RAB7B: variants seen among roughly 807,000 people sequenced by gnomAD.
RAB7B encodes RAB7B, member RAS oncogene family.
At chr1:205,990,337 T>C (rs1386666537) in intron 4 of RAB7B, among the ~76,000 whole-genome samples, 4 of 152,174 alleles carry the variant, frequency 2.6e-5, no homozygotes, top group Non-Finnish European at 5.9e-5. Flanking sequence ...AAAGATGGTA[T>C]TGAGGAGAGT....
At chr1:206,001,512 C>A (rs1373113278) in intron 1 of RAB7B, among the ~76,000 whole-genome samples, 1 of 152,146 alleles carries the variant, frequency 6.6e-6, no homozygotes, top group Non-Finnish European at 1.5e-5. Context: ...TGTCACTAAG[C>A]CTCATTCCAC....
intron 5 of RAB7B, among the ~76,000 whole-genome samples, chr1:205,980,015 C>G (rs1189204152): frequency 6.6e-6 from 1 of 152,194 alleles, no homozygotes; most frequent in Non-Finnish European, 1.5e-5. Context: ...TCCAGCCTTG[C>G]CTCCTGCACC....
chr1:205,978,877 C>T lies in RAB7B; in HGVS notation c.574G>A (p.Asp192Asn), dbSNP rs1660434739. The change falls in exon 6 of 6, where the codon GAC becomes AAC. Residue 192 changes from aspartate (D) to asparagine (N), a missense_variant. Physicochemically the swap from Asp to Asn is conservative, Grantham distance 23 (BLOSUM62 1). Transcript: ENST00000617070. Reference protein sequence around the residue: ...HLTESIKLSPDQSRSRCC With the variant: ...HLTESIKLSPNQSRSRCC ...CAGCAGCATCTGCTCCTTGACTGGT[C>T]TGGCGAGAGCTTGATGGATTCTGTG... 1 of 398,708 alleles carries T rather than the reference C, an allele frequency of 2.5e-6. No homozygotes were observed. Among genetic ancestry groups the T allele is most frequent in the Non-Finnish European group, 4.4e-6 (1 of 226,164 alleles). 24.7% of individuals were successfully genotyped at this position (398,708 alleles called of 1,614,324 possible). A position where few individuals can be genotyped will look rare whatever the true frequency, so the allele number is the denominator to read the frequency against.
At chr1:205,983,978 T>C (rs958666481) in intron 5 of RAB7B, 6 of 152,258 alleles carry the variant, frequency 3.9e-5, no homozygotes, top group Admixed American at 3.9e-4. Flanking sequence ...GGACACTTCC[T>C]GGTGACTAAG....
chr1:206,001,174 G>T (rs1660884809), intron 1 of RAB7B, among the ~76,000 whole-genome samples: 1 of 152,136 alleles, frequency 6.6e-6, no homozygotes, highest in Non-Finnish European at 1.5e-5. Flanking sequence ...GGGGCGGTTT[G>T]TGGGGTGACG....
At chr1:205,996,298 G>C (rs1297889499) in intron 1 of RAB7B, among the ~76,000 whole-genome samples, 7 of 152,012 alleles carry the variant, frequency 4.6e-5, no homozygotes, top group African/African-American at 7.3e-5. Context: ...TTTGTCTTTG[G>C]ATGCACTAAG....
At chr1:205,987,818 T>C (rs943374859) in intron 4 of RAB7B, among the ~76,000 whole-genome samples, 2 of 152,192 alleles carry the variant, frequency 1.3e-5, no homozygotes, top group African/African-American at 4.8e-5. Flanking sequence ...TCTTTAAAAT[T>C]ATTCTGGCTA....
At position 205,999,979 on chromosome 1, in the gene RAB7B, G is replaced by T. The variant is rs991025329; in HGVS notation, c.-17+3274C>A. On this transcript the variant is annotated intron_variant, in intron 1 of 5. Coordinates refer to ENST00000617070, the MANE Select transcript of RAB7B (RefSeq NM_001164522.3). ...TGTAGAGACAGGATCATGCTTTGTA[G>T]CCCCAGTTGGTATCAAACTCCTGGC... 9.9e-5 allele frequency among the ~76,000 whole-genome samples: 15 copies of T among 152,164 alleles called. No homozygotes were observed. In the South Asian group the frequency reaches 2.7e-3, roughly 27 times the overall value.
At chr1:206,002,234 C>T (rs1177382332) in intron 1 of RAB7B, among the ~76,000 whole-genome samples, 2 of 152,228 alleles carry the variant, frequency 1.3e-5, no homozygotes, top group Admixed American at 1.3e-4. Flanking sequence ...CCTTACCCAC[C>T]TCAACCCTAG....
intron 1 of RAB7B, among the ~76,000 whole-genome samples, chr1:206,002,305 C>A (rs1022966751): frequency 6.6e-6 from 1 of 152,304 alleles, no homozygotes; most frequent in East Asian, 1.9e-4. Flanking sequence ...GGAGGCTTGG[C>A]GCTCTTGTTC....
intron 4 of RAB7B, 32 bp from the exon 5 acceptor site, chr1:205,985,697 T>C: frequency 1.1e-5 from 3 of 265,548 alleles, no homozygotes; most frequent in Non-Finnish European, 2.0e-5. Flanking sequence ...GCGTGGTGTC[T>C]GTATTATCAT....
chr1:205,995,544 C>T (rs1048462295), intron 1 of RAB7B, among the ~76,000 whole-genome samples: 1 of 151,958 alleles, frequency 6.6e-6, no homozygotes, highest in Non-Finnish European at 1.5e-5. Context: ...ATGTACACAA[C>T]GGATACTGTT....
intron 1 of RAB7B, among the ~76,000 whole-genome samples, chr1:205,995,755 T>G (rs998945117): frequency 6.6e-6 from 1 of 152,152 alleles, no homozygotes; most frequent in Non-Finnish European, 1.5e-5. Context: ...GGGGAGATGT[T>G]AGAGGATAAA....
At chr1:205,998,782 T>A (rs1220782060) in intron 1 of RAB7B, among the ~76,000 whole-genome samples, 2 of 152,210 alleles carry the variant, frequency 1.3e-5, no homozygotes. Context: ...GGGTAAACAA[T>A]ACGTTATTAT....
chr1:205,979,549 C>T (rs1411052755), intron 5 of RAB7B, among the ~76,000 whole-genome samples: 3 of 152,122 alleles, frequency 2.0e-5, no homozygotes, highest in Admixed American at 2.0e-4. Flanking sequence ...AGCCTGCCCC[C>T]CCTCCCCAGT....
In RAB7B at chr1:205,998,663, C is replaced by T. The variant is rs973274484; in HGVS notation, c.-16-4512G>A. Among the ~76,000 whole-genome samples the T allele has an allele frequency of 6.2e-3, 950 of 152,290 alleles. 8 individuals are homozygous for T. Among genetic ancestry groups the T allele is most frequent in the African/African-American group, 0.022 (900 of 41,558 alleles). On this transcript the variant is annotated intron_variant, in intron 1 of 5. Transcript: ENST00000617070. The stretch of plus-strand genomic sequence containing the variant: ...GGCAATGCTTTCACACGCTGTCACA[C>T]GACCATGCAGCAGGGCTGGAGTACG...
In RAB7B at chr1:205,993,458, T is replaced by C; in HGVS notation, c.142A>G (p.Lys48Glu). 2.5e-6 allele frequency: 1 copy of C among 398,622 alleles called. No individual in the cohort carries two copies. The highest frequency in any genetic ancestry group is 4.4e-6 in the Non-Finnish European group (1 of 226,070). 24.7% of individuals were successfully genotyped at this position (398,622 alleles called of 1,614,324 possible). Residue 48 changes from lysine (K) to glutamate (E), a missense_variant, in exon 3 of 6, where the codon AAG becomes GAG. Physicochemically the swap from Lys to Glu is moderately conservative, Grantham distance 56. Coordinates refer to ENST00000617070, the MANE Select transcript of RAB7B (RefSeq NM_001164522.3). ...GTTGTGTCACCCAATATGATAATCT[T>C]GGAGAGGATGCTGGCCCCCAGTGTG... ...QTTLGASILS[K>E]IIILGDTTLK...
chr1:206,000,591 T>C (rs1378820873), intron 1 of RAB7B, among the ~76,000 whole-genome samples: 2 of 152,212 alleles, frequency 1.3e-5, no homozygotes, highest in African/African-American at 2.4e-5. Context: ...GCAGGTGACA[T>C]GTGTCATGAT....
intron 1 of RAB7B, among the ~76,000 whole-genome samples, chr1:205,998,851 C>G (rs1348701705): frequency 6.6e-6 from 1 of 152,114 alleles, no homozygotes; most frequent in African/African-American, 2.4e-5. Flanking sequence ...TTTACTGGCA[C>G]AAATTAAGGA....
Sources: allele counts gnomAD v4.1 joint callset (sites outside exome capture counted in the v4.1 genomes callset), GRCh38; gene constraint gnomAD v4.1.1; transcripts MANE v1.5; gene names NCBI Gene and HGNC (gene_info 2026-07-23, HGNC 2026-07-21).